The following CCDC171 variants were observed in gnomAD, a reference collection of about 807,000 sequenced individuals.
CCDC171 encodes the protein coiled-coil domain-containing protein 171.
A neutral mutation model predicts 168.2 loss-of-function variants in CCDC171; 177 were observed. The ratio of observed to expected loss-of-function variants is 1.05; its 90% CI spans 0.93 to 1.19. CCDC171 has a LOEUF of 1.19. Among genes scored for constraint, CCDC171 ranks in the 50% most tolerant of loss-of-function variants. CCDC171 has a pLI of 0.00. For synonymous variants in CCDC171, 687 were observed against 540.8 expected, an observed-to-expected ratio of 1.27 and a Z score of -3.75; for missense variants, 1,991 against 1,539.0, an observed-to-expected ratio of 1.29 and a Z score of -4.91.
intron 23 of CCDC171, among the ~76,000 whole-genome samples, chr9:15,859,801 A>G (rs561020051): frequency 5.3e-5 from 8 of 151,796 alleles, no homozygotes; most frequent in Non-Finnish European, 7.4e-5. Context: ...CTGTGACTAC[A>G]GGCATATGCC....
At chr9:15,971,145 T>C (rs896827329) in intron 25 of CCDC171, among the ~76,000 whole-genome samples, 1 of 152,178 alleles carries the variant, frequency 6.6e-6, no homozygotes, top group African/African-American at 2.4e-5. Flanking sequence ...GCTACTTTTG[T>C]CAAATAAGTA....
chr9:15,559,618 A>G (rs1413577218), intron 1 of CCDC171, among the ~76,000 whole-genome samples: 1 of 152,036 alleles, frequency 6.6e-6, no homozygotes, highest in Non-Finnish European at 1.5e-5. Flanking sequence ...TTTTAAGCCT[A>G]TGTGTGTCTC....
At chr9:15,891,422 T>G (rs1170050647) in intron 24 of CCDC171, among the ~76,000 whole-genome samples, 1 of 152,074 alleles carries the variant, frequency 6.6e-6, no homozygotes, top group African/African-American at 2.4e-5. Context: ...CCCCAAAAGG[T>G]CAGAATTAGG....
intron 3 of CCDC171, among the ~76,000 whole-genome samples, chr9:15,575,850 A>T (rs2040607812): frequency 6.6e-6 from 1 of 152,168 alleles, no homozygotes; most frequent in Non-Finnish European, 1.5e-5. Flanking sequence ...CCAGCACTTT[A>T]GGAGGCTGAG....
chr9:15,776,078 C>G (rs2135364896), intron 18 of CCDC171: 1 of 152,240 alleles, frequency 6.6e-6, no homozygotes, highest in East Asian at 1.9e-4. Flanking sequence ...ATTCCTTTAA[C>G]TCAGTGTTCT....
intron 7 of CCDC171, among the ~76,000 whole-genome samples, chr9:15,638,989 G>T (rs901168281): frequency 2.0e-5 from 3 of 152,150 alleles, no homozygotes; most frequent in South Asian, 4.1e-4. Context: ...TGAAGATTAT[G>T]GTAGAGAGAG....
chr9:15,769,111 A>C (rs1271068249), intron 18 of CCDC171, among the ~76,000 whole-genome samples: 1 of 152,218 alleles, frequency 6.6e-6, no homozygotes, highest in Non-Finnish European at 1.5e-5. Flanking sequence ...CTTTAAAAGG[A>C]ATTTATTACA....
chr9:15,671,360 T>G (rs2049097936), intron 9 of CCDC171, among the ~76,000 whole-genome samples: 1 of 152,072 alleles, frequency 6.6e-6, no homozygotes, highest in Non-Finnish European at 1.5e-5. Flanking sequence ...TTTATCTTTA[T>G]TTTTTGGCCT....
At chr9:15,940,369 T>C (rs1827575138) in intron 25 of CCDC171, among the ~76,000 whole-genome samples, 1 of 151,806 alleles carries the variant, frequency 6.6e-6, no homozygotes, top group South Asian at 2.1e-4. Context: ...TTTTCAATGA[T>C]TGAAGGGAAT....
chr9:15,717,812 G>T (rs1009227501), intron 11 of CCDC171, among the ~76,000 whole-genome samples: 2 of 152,000 alleles, frequency 1.3e-5, no homozygotes, highest in Non-Finnish European at 2.9e-5. Flanking sequence ...GAGCCCCTGG[G>T]GCCTGAATAA....
intron 25 of CCDC171, among the ~76,000 whole-genome samples, chr9:15,962,049 T>C (rs12686591): frequency 0.05 from 7,625 of 152,222 alleles, 408 homozygotes; most frequent in African/African-American, 0.12. Context: ...TCATGACACA[T>C]AAAATTTATG....
chr9:16,103,645 G>T, the CCDC171 span, among the ~76,000 whole-genome samples: 1 of 152,196 alleles, frequency 6.6e-6, no homozygotes, highest in African/African-American at 2.4e-5. Flanking sequence ...TGTGGCTGGG[G>T]GCTCCTGCGC....
chr9:15,800,389 T>A (rs527276819), intron 21 of CCDC171, among the ~76,000 whole-genome samples: 16 of 152,244 alleles, frequency 1.1e-4, no homozygotes, highest in South Asian at 4.1e-4. Flanking sequence ...TTTTCAAATT[T>A]GTTTGCTATT....
At chr9:15,905,890 A>G (rs1055087748) in intron 24 of CCDC171, among the ~76,000 whole-genome samples, 3 of 152,208 alleles carry the variant, frequency 2.0e-5, no homozygotes, top group African/African-American at 4.8e-5. Flanking sequence ...GAATACTATG[A>G]ACACCTCTAC....
At chr9:15,689,341 G>C (rs186972979) in intron 10 of CCDC171, among the ~76,000 whole-genome samples, 2 of 152,282 alleles carry the variant, frequency 1.3e-5, no homozygotes, top group East Asian at 3.9e-4. Context: ...AGACAGCTAT[G>C]CTTACCACTG....
chr9:15,778,899 A>G (rs1023138069), intron 19 of CCDC171, 69 bp from the exon 20 acceptor site: 18 of 1,108,836 alleles, frequency 1.6e-5, no homozygotes, highest in Non-Finnish European at 1.9e-5. Context: ...TTAATTTAGT[A>G]AAATGGTTAT....
intron 3 of CCDC171, among the ~76,000 whole-genome samples, chr9:15,987,837 A>C (rs1363455033): frequency 6.7e-6 from 1 of 149,116 alleles, no homozygotes; most frequent in East Asian, 2.0e-4. Flanking sequence ...CACAAAATTC[A>C]TTTATGTTTC....
intron 21 of CCDC171, among the ~76,000 whole-genome samples, chr9:15,814,213 G>A (rs1370162822): frequency 3.9e-5 from 6 of 152,170 alleles, no homozygotes; most frequent in Admixed American, 1.3e-4. Context: ...CCTCGGGCTG[G>A]GTCATCTTCT....
At chr9:15,606,727 G>T (rs887901685) in intron 6 of CCDC171, among the ~76,000 whole-genome samples, 2 of 152,118 alleles carry the variant, frequency 1.3e-5, no homozygotes, top group Non-Finnish European at 2.9e-5. Flanking sequence ...TACGTTTCTG[G>T]AAGATGTGGA....
Sources: gnomAD v4.1 joint callset for allele counts (sites outside exome capture counted in the v4.1 genomes callset) on GRCh38, gnomAD v4.1.1 for gene constraint, MANE v1.5 for transcripts, NCBI Gene and HGNC (gene_info 2026-07-23, HGNC 2026-07-21) for gene names.